The following ERC1 variants were observed in gnomAD, a reference collection of about 807,000 sequenced individuals.
ERC1 encodes the protein RAB6 interacting protein 2.
A neutral mutation model predicts 132.0 loss-of-function variants in ERC1; 56 were observed. The ratio of observed to expected loss-of-function variants is 0.42; its 90% CI spans 0.34 to 0.53. The LOEUF (loss-of-function observed/expected upper bound fraction) is 0.53, where lower values mean the gene tolerates loss of function less well. Ranked by LOEUF, ERC1 falls within the 20% of genes least tolerant of loss-of-function variation. The probability of loss-of-function intolerance (pLI) is 0.03; values close to 1 mark genes in which losing one functional copy is unlikely to be tolerated. For synonymous variants in ERC1, 478 were observed against 476.1 expected, an observed-to-expected ratio of 1.00 and a Z score of -0.05; for missense variants, 1,202 against 1,349.9, an observed-to-expected ratio of 0.89 and a Z score of 1.72.
intron 16 of ERC1, among the ~76,000 whole-genome samples, chr12:1,390,326 C>T (rs1417148131): frequency 6.6e-6 from 1 of 151,936 alleles, no homozygotes; most frequent in African/African-American, 2.4e-5. Flanking sequence ...CAGTGTAACC[C>T]ACAGTGACAT....
intron 15 of ERC1, among the ~76,000 whole-genome samples, chr12:1,359,044 T>C (rs2154369804): frequency 6.6e-6 from 1 of 152,322 alleles, no homozygotes; most frequent in South Asian, 2.1e-4. Flanking sequence ...AGGTCTTTGC[T>C]CTGCTGCCTT....
chr12:1,067,994 C>T (rs1364789560), intron 2 of ERC1, among the ~76,000 whole-genome samples: 4 of 146,346 alleles, frequency 2.7e-5, no homozygotes, highest in Non-Finnish European at 4.5e-5. Context: ...TGCAGTGGCG[C>T]GATCTCAGCT....
At chr12:1,402,591 AAAAG>A (rs1159956002) in intron 16 of ERC1, among the ~76,000 whole-genome samples, 4 of 144,550 alleles carry the variant, frequency 2.8e-5, no homozygotes, top group African/African-American at 1.1e-4. Flanking sequence ...AAGAAATAGA[AAAAG>A]AATATCTGTG....
intron 7 of ERC1, among the ~76,000 whole-genome samples, chr12:1,140,131 T>G (rs1949731173): frequency 6.6e-6 from 1 of 152,046 alleles, no homozygotes; most frequent in South Asian, 2.1e-4. Context: ...TTTAGCAGAG[T>G]GAACTATGGT....
chr12:1,083,849 G>T (rs1305482092), intron 3 of ERC1, among the ~76,000 whole-genome samples: 1 of 152,082 alleles, frequency 6.6e-6, no homozygotes, highest in Non-Finnish European at 1.5e-5. Context: ...TGCTAAAGGG[G>T]TAAAAAATTC....
At chr12:1,243,181 G>A (rs1341421640) in intron 13 of ERC1, among the ~76,000 whole-genome samples, 2 of 143,288 alleles carry the variant, frequency 1.4e-5, no homozygotes, top group African/African-American at 5.2e-5. Context: ...GCGACAGAGC[G>A]AGACTCCGTC....
intron 15 of ERC1, among the ~76,000 whole-genome samples, chr12:1,362,549 T>G (rs73038690): frequency 0.024 from 3,666 of 152,288 alleles, 83 homozygotes; most frequent in Middle Eastern, 0.11. Context: ...TTCCACATTA[T>G]TTAAATTTGG....
intron 12 of ERC1, among the ~76,000 whole-genome samples, chr12:1,225,696 A>G (rs1473458718): frequency 2.0e-5 from 3 of 152,232 alleles, no homozygotes; most frequent in African/African-American, 7.2e-5. Flanking sequence ...CCTTCTAACC[A>G]AAACATAGTC....
At position 1,495,164 on chromosome 12, in the gene ERC1, A is replaced by AGCCCCTGCCTGGCAGGCCACAGGACC; in HGVS notation, c.*4935_*4960dup. 1.7e-5 allele frequency: 4 copies of AGCCCCTGCCTGGCAGGCCACAGGACC among 230,296 alleles called. No homozygotes were observed. The highest frequency in any genetic ancestry group is 3.4e-5 in the Non-Finnish European group (4 of 116,340). The allele number at this position is 230,296 out of a possible 1,614,324, so 14.3% of individuals were successfully genotyped here. ...CATGGTAACCTGGGCTTGACCCTGA[A>AGCCCCTGCCTGGCAGGCCACAGGACC]GCCCCTGCCTGGCAGGCCACAGGAC... On this transcript the variant is annotated 3_prime_UTR_variant, in exon 19 of 19. Transcript: ENST00000360905.
chr12:1,022,923 CTGATGGTTT>C (rs1966594178), intron 1 of ERC1, among the ~76,000 whole-genome samples: 1 of 152,148 alleles, frequency 6.6e-6, no homozygotes, highest in Admixed American at 6.5e-5. Flanking sequence ...CAGCCTAGAT[CTGATGGTTT>C]TGTAAGGGGC....
intron 2 of ERC1, among the ~76,000 whole-genome samples, chr12:1,053,274 A>G (rs1016086634): frequency 2.6e-5 from 4 of 152,198 alleles, no homozygotes; most frequent in African/African-American, 7.2e-5. Flanking sequence ...TACATTCAGG[A>G]CTGTCAACTT....
chr12:1,172,588 G>A (rs908073858), intron 8 of ERC1, among the ~76,000 whole-genome samples: 1 of 151,616 alleles, frequency 6.6e-6, no homozygotes, highest in African/African-American at 2.4e-5. Context: ...TATCATTGAC[G>A]GCACAGATGT....
At chr12:1,119,841 C>T (rs141792796) in intron 7 of ERC1, among the ~76,000 whole-genome samples, 16 of 152,184 alleles carry the variant, frequency 1.1e-4, no homozygotes, top group Non-Finnish European at 1.3e-4. Flanking sequence ...TGAGCCACCG[C>T]ATCCATTCAG....
At chr12:1,424,844 T>TAGATAGATGATA (rs745570432) in intron 17 of ERC1, among the ~76,000 whole-genome samples, 2 of 75,616 alleles carry the variant, frequency 2.6e-5, no homozygotes, top group African/African-American at 1.0e-4. Context: ...GATAGATAGA[T>TAGATAGATGATA]GATAGATAGA....
chr12:1,400,952 TTG>T, intron 16 of ERC1, among the ~76,000 whole-genome samples: 1 of 126,948 alleles, frequency 7.9e-6, no homozygotes, highest in African/African-American at 3.2e-5. Flanking sequence ...TTTTTTTTTT[TTG>T]TGACGGAGTC....
intron 16 of ERC1, chr12:1,380,984 G>A (rs1161675954): frequency 6.6e-6 from 1 of 152,156 alleles, no homozygotes; most frequent in Non-Finnish European, 1.5e-5. Flanking sequence ...TTAAATCCTC[G>A]ATAATGAGGC....
At chr12:1,062,677 A>G (rs1048138655) in intron 2 of ERC1, among the ~76,000 whole-genome samples, 3 of 152,182 alleles carry the variant, frequency 2.0e-5, no homozygotes, top group African/African-American at 7.2e-5. Flanking sequence ...GAGAATGTAT[A>G]TTCTGTAGCT....
chr12:1,495,633 G>C lies in ERC1; in HGVS notation c.*5403G>C, dbSNP rs1182308298. The C allele has an allele frequency of 8.8e-6, 2 of 226,586 alleles. No individual in the cohort carries two copies. Among genetic ancestry groups the C allele is most frequent in the Non-Finnish European group, 1.8e-5 (2 of 113,868 alleles). 14.0% of individuals were successfully genotyped at this position (226,586 alleles called of 1,614,324 possible). Reference sequence around the variant, plus strand: ...CCTGTGACTGCTCCCTGATGCGTCAGAAGAGAAGTGTTGCACTTTAGTGGA... The same window carrying C: ...CCTGTGACTGCTCCCTGATGCGTCACAAGAGAAGTGTTGCACTTTAGTGGA... On this transcript the variant is annotated 3_prime_UTR_variant, in exon 19 of 19. Coordinates refer to ENST00000360905, the MANE Select transcript of ERC1 (RefSeq NM_178040.4).
chr12:1,317,595 G>T (rs1424223228), intron 15 of ERC1, among the ~76,000 whole-genome samples: 1 of 151,726 alleles, frequency 6.6e-6, no homozygotes, highest in East Asian at 1.9e-4. Flanking sequence ...TGTTGAATTA[G>T]GTTAACAGTT....
Sources: allele counts gnomAD v4.1 joint callset (sites outside exome capture counted in the v4.1 genomes callset), GRCh38; gene constraint gnomAD v4.1.1; transcripts MANE v1.5; gene names NCBI Gene and HGNC (gene_info 2026-07-23, HGNC 2026-07-21).